CNTLN: variants seen among roughly 807,000 people sequenced by gnomAD.
CNTLN encodes the protein centlein, centrosomal protein.
A neutral mutation model predicts 180.0 loss-of-function variants in CNTLN; 212 were observed. That is an observed-to-expected ratio of 1.18 (90% CI 1.05 to 1.32). CNTLN has a LOEUF of 1.32. Among genes scored for constraint, CNTLN ranks in the 40% most tolerant of loss-of-function variants. The pLI is 0.00. For missense variants in CNTLN, 2,095 were observed against 1,610.9 expected (o/e 1.30, Z -5.14); for synonymous variants, 722 against 563.1 (o/e 1.28, Z -3.99).
intron 8 of CNTLN, among the ~76,000 whole-genome samples, chr9:17,317,329 A>G (rs537071264): frequency 5.3e-5 from 8 of 152,198 alleles, no homozygotes; most frequent in Non-Finnish European, 1.0e-4. Context: ...TAAATAGATA[A>G]ATAGAAAATT....
intron 18 of CNTLN, among the ~76,000 whole-genome samples, chr9:17,451,177 A>G (rs996157772): frequency 6.6e-6 from 1 of 152,176 alleles, no homozygotes. Flanking sequence ...GGAGAATATC[A>G]TTAAGATTAT....
At position 17,195,124 on chromosome 9, in the gene CNTLN, C is replaced by T. The variant is rs143817470; in HGVS notation, c.450-31079C>T. ...ACCATATCAGAAGCTAAACAGAAAA[C>T]CTTGAAACTTTAAAGATAAAGTAAT... is the stretch of plus-strand genomic sequence containing the variant. On this transcript the variant is annotated intron_variant, in intron 2 of 25. Coordinates refer to ENST00000380647, the MANE Select transcript of CNTLN (RefSeq NM_017738.4). Among the ~76,000 whole-genome samples the T allele has an allele frequency of 2.0e-3, 304 of 152,130 alleles. 5 individuals carry two copies. Among genetic ancestry groups the T allele is most frequent in the African/African-American group, 7.0e-3 (291 of 41,490 alleles).
chr9:17,355,166 C>T (rs942128620), intron 12 of CNTLN, among the ~76,000 whole-genome samples: 10 of 152,154 alleles, frequency 6.6e-5, no homozygotes, highest in Non-Finnish European at 1.5e-4. Context: ...AAGAACCCAC[C>T]AATTCCGGAC....
rs1827663142 is a variant in CNTLN, at chr9:17,409,369, G to C, written c.2692G>C (p.Glu898Gln). The part of the protein sequence containing the change: ...VETSQKISPT[E>Q]DGKDQKESDP... ...AACATCCCAGAAAATAAGTCCTACG[G>C]AAGATGGAAAAGACCAGAAAGAAAG... The change falls in exon 16 of 26, where the codon GAA becomes CAA. Residue 898 changes from glutamate to glutamine, a missense_variant. Physicochemically the swap from Glu to Gln is conservative, Grantham distance 29. Coordinates refer to ENST00000380647, the MANE Select transcript of CNTLN (RefSeq NM_017738.4). 7 of 1,613,388 alleles carry C rather than the reference G, an allele frequency of 4.3e-6. No homozygotes were observed. The East Asian group carries it at 1.6e-4, about 36-fold the overall frequency.
intron 8 of CNTLN, among the ~76,000 whole-genome samples, chr9:17,316,535 A>C (rs1321917811): frequency 6.6e-6 from 1 of 152,096 alleles, no homozygotes; most frequent in Non-Finnish European, 1.5e-5. Flanking sequence ...TAATTGGTTT[A>C]TCTGGTTTTA....
chr9:17,499,051 G>A (rs933655558), intron 25 of CNTLN, among the ~76,000 whole-genome samples: 1 of 152,228 alleles, frequency 6.6e-6, no homozygotes, highest in African/African-American at 2.4e-5. Flanking sequence ...TAGAAGGTTT[G>A]GCTCTCTTGT....
chr9:17,184,497 A>G (rs1252536136), intron 2 of CNTLN, among the ~76,000 whole-genome samples: 2 of 152,174 alleles, frequency 1.3e-5, no homozygotes, highest in African/African-American at 4.8e-5. Flanking sequence ...GGGAAGAAGT[A>G]CTATTAAAAG....
intron 2 of CNTLN, among the ~76,000 whole-genome samples, chr9:17,194,614 C>A (rs771590367): frequency 4.6e-5 from 7 of 152,194 alleles, no homozygotes; most frequent in Admixed American, 1.3e-4. Flanking sequence ...TTCAACAAGT[C>A]TCTAGGAAGT....
chr9:17,169,283 C>A (rs1296093327), intron 2 of CNTLN, among the ~76,000 whole-genome samples: 1 of 152,130 alleles, frequency 6.6e-6, no homozygotes, highest in Non-Finnish European at 1.5e-5. Flanking sequence ...CAGGTCTGAG[C>A]CACCACACTT....
intron 12 of CNTLN, among the ~76,000 whole-genome samples, chr9:17,359,750 A>AAAAAAAAAAAAAAG: frequency 1.4e-5 from 2 of 138,530 alleles, no homozygotes; most frequent in South Asian, 2.5e-4. Flanking sequence ...AAAAAAAAAA[A>AAAAAAAAAAAAAAG]CTAGCTGGGT....
intron 3 of CNTLN, among the ~76,000 whole-genome samples, chr9:17,233,571 G>C (rs1021437793): frequency 1.3e-5 from 2 of 152,104 alleles, no homozygotes; most frequent in African/African-American, 4.8e-5. Context: ...TCTTGGTCAT[G>C]AATATTTGCA....
intron 5 of CNTLN, among the ~76,000 whole-genome samples, chr9:17,273,129 A>C (rs1828063690): frequency 6.6e-6 from 1 of 151,756 alleles, no homozygotes; most frequent in South Asian, 2.1e-4. Flanking sequence ...AATTAAAATT[A>C]ATTTTATAAT....
intron 25 of CNTLN, among the ~76,000 whole-genome samples, chr9:17,492,051 A>G (rs1833190320): frequency 6.6e-6 from 1 of 152,078 alleles, no homozygotes; most frequent in Admixed American, 6.6e-5. Flanking sequence ...ATGTAAGCCT[A>G]CACACTCAGT....
At position 17,273,864 on chromosome 9, in the gene CNTLN, C is replaced by G; in HGVS notation, c.981C>G (p.Val327=). 6.5e-7 allele frequency: 1 copy of G among 1,546,288 alleles called. No homozygotes were observed. The highest frequency in any genetic ancestry group is 8.7e-7 in the Non-Finnish European group (1 of 1,151,502). ...AGAAGGATATGGATATTACCCTGGT[C>G]AGGCAAGTATATTCAATTTTTAATT... ...LIQKDMDITL[V]RKELQELQNL... is the part of the protein sequence containing the mutation. Residue 327 remains valine, a splice_region_variant and synonymous_variant, in exon 6 of 26, where the codon GTC becomes GTG. Transcript: ENST00000380647.
intron 13 of CNTLN, among the ~76,000 whole-genome samples, chr9:17,377,121 A>G (rs1408583828): frequency 6.6e-6 from 1 of 152,222 alleles, no homozygotes; most frequent in Non-Finnish European, 1.5e-5. Flanking sequence ...ATATATTACA[A>G]GAATAATTTC....
intron 23 of CNTLN, among the ~76,000 whole-genome samples, chr9:17,478,897 TAAG>T (rs780678766): frequency 7.2e-5 from 11 of 152,154 alleles, no homozygotes; most frequent in Non-Finnish European, 1.5e-4. Context: ...AAAAATAGGT[TAAG>T]GACTTTAATA....
chr9:17,463,052 AC>A, intron 20 of CNTLN, 39 bp downstream of exon 20: 20 of 1,220,998 alleles, frequency 1.6e-5, no homozygotes, highest in Non-Finnish European at 2.2e-5. Flanking sequence ...ATTTGGTGCC[AC>A]CTAGTGGCAA....
chr9:17,396,820 A>G (rs1826561071), intron 15 of CNTLN, among the ~76,000 whole-genome samples: 1 of 152,148 alleles, frequency 6.6e-6, no homozygotes, highest in Non-Finnish European at 1.5e-5. Context: ...AACATCATCT[A>G]CTCAAGCCCC....
At chr9:17,380,542 A>G (rs1825158488) in intron 13 of CNTLN, among the ~76,000 whole-genome samples, 1 of 152,098 alleles carries the variant, frequency 6.6e-6, no homozygotes, top group Non-Finnish European at 1.5e-5. Flanking sequence ...ACGTACAACA[A>G]GTCTGGTTGG....
Sources: allele counts gnomAD v4.1 joint callset (sites outside exome capture counted in the v4.1 genomes callset), GRCh38; gene constraint gnomAD v4.1.1; transcripts MANE v1.5; gene names NCBI Gene and HGNC (gene_info 2026-07-23, HGNC 2026-07-21).